Variants in NEK11 observed in about 807,000 individuals in gnomAD.
NEK11 encodes the protein serine/threonine-protein kinase Nek11.
In NEK11, 72 loss-of-function variants were observed where a neutral mutation model predicts 80.7. That is an observed-to-expected ratio of 0.89 (90% confidence interval 0.74 to 1.08). NEK11 has a LOEUF of 1.08. Ranked by LOEUF, NEK11 falls within the 50% of genes least tolerant of loss-of-function variation. NEK11 has a pLI of 0.00. For missense variants in NEK11, 764 were observed against 763.6 expected, an observed-to-expected ratio of 1.00 and a Z score of -0.01; for synonymous variants, 251 against 260.7, an observed-to-expected ratio of 0.96 and a Z score of 0.36.
intron 3 of NEK11, among the ~76,000 whole-genome samples, chr3:131,031,616 G>C (rs1424155935): frequency 6.6e-6 from 1 of 152,182 alleles, no homozygotes; most frequent in Admixed American, 6.5e-5. Flanking sequence ...TGAGTGGAGA[G>C]AGTGTGTTTG....
intron 16 of NEK11, among the ~76,000 whole-genome samples, chr3:131,255,116 G>C (rs1321307794): frequency 6.6e-6 from 1 of 150,882 alleles, no homozygotes; most frequent in Non-Finnish European, 1.5e-5. Flanking sequence ...AAGAAAGAAA[G>C]AAAGAAAGAA....
chr3:131,058,732 A>G (rs2070186850), intron 3 of NEK11, among the ~76,000 whole-genome samples: 1 of 152,184 alleles, frequency 6.6e-6, no homozygotes, highest in Non-Finnish European at 1.5e-5. Flanking sequence ...AGTATAGACA[A>G]GAGAGGGAAA....
intron 16 of NEK11, among the ~76,000 whole-genome samples, chr3:131,250,404 A>C (rs1354861406): frequency 6.6e-6 from 1 of 152,106 alleles, no homozygotes; most frequent in Non-Finnish European, 1.5e-5. Flanking sequence ...GAACCTACAA[A>C]TATTTATCTA....
chr3:131,180,206 G>A (rs1698941879), intron 14 of NEK11, among the ~76,000 whole-genome samples: 1 of 152,140 alleles, frequency 6.6e-6, no homozygotes, highest in African/African-American at 2.4e-5. Context: ...TAGTCATGTG[G>A]CCCAACTTTC....
chr3:131,178,116 G>A (rs1288894892), intron 14 of NEK11, among the ~76,000 whole-genome samples: 1 of 152,144 alleles, frequency 6.6e-6, no homozygotes, highest in Non-Finnish European at 1.5e-5. Flanking sequence ...ATAAAAGATG[G>A]TACACCTGTA....
At chr3:131,207,830 A>C (rs1020568527) in intron 14 of NEK11, among the ~76,000 whole-genome samples, 4 of 151,956 alleles carry the variant, frequency 2.6e-5, no homozygotes, top group African/African-American at 9.7e-5. Flanking sequence ...TTTTCTTGTA[A>C]ATTTGTTTAA....
rs1404471870 is a variant in NEK11 at position 131,335,705 on chromosome 3, A to G, written c.1719-13852A>G. ...CCCTGTTTGCAGATGACATGATTGT[A>G]TATCTAGAAAACCCCACTGTCTCAG... On this transcript the variant is annotated intron_variant, in intron 17 of 17. Transcript: ENST00000383366. Among the ~76,000 whole-genome samples the G allele has an allele frequency of 2.0e-5, 3 of 152,328 alleles. 1 individual carries two copies. The highest frequency in any genetic ancestry group is 4.1e-4 in the South Asian group (2 of 4,826).
At position 131,272,463 on chromosome 3, in the gene NEK11, C is replaced by CTTTTTTTTTTTTTT. The variant is rs869304359; in HGVS notation, c.1622-998_1622-985dup. Among the ~76,000 whole-genome samples the CTTTTTTTTTTTTTT allele has an allele frequency of 3.3e-3, 146 of 43,900 alleles. 31 individuals are homozygous for CTTTTTTTTTTTTTT. Among genetic ancestry groups the CTTTTTTTTTTTTTT allele is most frequent in the East Asian group, 0.01 (11 of 1,068 alleles). 28.8% of individuals were successfully genotyped at this position (43,900 alleles called of 152,430 possible). ...CTTGCTAATGGGCCAGTTTTAGCTT[C>CTTTTTTTTTTTTTT]TTTTTTTTTTTTTTTTTTTTTTTTT... On this transcript the variant is annotated intron_variant, in intron 16 of 17. Transcript: ENST00000383366.
intron 14 of NEK11, among the ~76,000 whole-genome samples, chr3:131,211,237 A>C (rs1194967036): frequency 2.6e-5 from 4 of 152,184 alleles, no homozygotes; most frequent in African/African-American, 9.7e-5. Flanking sequence ...AGTGAAGCTT[A>C]GTTTGGCTGG....
At chr3:131,029,498 AACC>A in intron 2 of NEK11, 112 bp from the exon 3 acceptor site, 2 of 394,276 alleles carry the variant, frequency 5.1e-6, no homozygotes, top group Non-Finnish European at 9.0e-6. Flanking sequence ...TCAAGTTGTT[AACC>A]AATATGGTGT....
intron 15 of NEK11, among the ~76,000 whole-genome samples, chr3:131,239,814 TTTCATTCA>T (rs139825448): frequency 2.9e-4 from 44 of 151,966 alleles, no homozygotes; most frequent in African/African-American, 8.5e-4. Flanking sequence ...GCTAGGTAGC[TTTCATTCA>T]TTCATTCATT....
chr3:131,194,023 AT>A (rs2093905274), intron 14 of NEK11, among the ~76,000 whole-genome samples: 1 of 152,206 alleles, frequency 6.6e-6, no homozygotes, highest in Non-Finnish European at 1.5e-5. Context: ...CAGCAAGTTG[AT>A]TTGCAGGTTT....
intron 17 of NEK11, among the ~76,000 whole-genome samples, chr3:131,324,064 A>G (rs2096928921): frequency 6.6e-6 from 1 of 152,316 alleles, no homozygotes; most frequent in Admixed American, 6.5e-5. Flanking sequence ...ACAGGCAAGG[A>G]AGGCTTTATT....
At chr3:131,141,360 A>G (rs2086863991) in intron 7 of NEK11, among the ~76,000 whole-genome samples, 1 of 152,126 alleles carries the variant, frequency 6.6e-6, no homozygotes, top group African/African-American at 2.4e-5. Context: ...CAGGATGGGG[A>G]AAAATGGAGA....
intron 17 of NEK11, among the ~76,000 whole-genome samples, chr3:131,345,141 T>A (rs908837086): frequency 2.6e-5 from 4 of 152,196 alleles, no homozygotes; most frequent in Non-Finnish European, 4.4e-5. Context: ...TTTTTCTATG[T>A]TTTTTATTCC....
At position 131,334,944 on chromosome 3, in the gene NEK11, C is replaced by T. The variant is rs377487091; in HGVS notation, c.1719-14613C>T. Reference sequence around the variant, plus strand: ...GAAGAAGTTCAATCTCTGAATAGACCAATAACAGGATCTGAAATTGTGGCA... The same window carrying T: ...GAAGAAGTTCAATCTCTGAATAGACTAATAACAGGATCTGAAATTGTGGCA... On this transcript the variant is annotated intron_variant, in intron 17 of 17. Coordinates refer to ENST00000383366, the MANE Select transcript of NEK11 (RefSeq NM_024800.5). Among the ~76,000 whole-genome samples the T allele has an allele frequency of 3.3e-5, 5 of 152,272 alleles. No individual in the cohort carries two copies. The East Asian group carries it at 7.7e-4, about 24-fold the overall frequency.
rs765349327 is a variant in NEK11, at chr3:131,228,715, A to G, written c.1560+27A>G. The G allele has an allele frequency of 3.7e-6, 6 of 1,603,372 alleles. No homozygotes were observed. In the Admixed American group the frequency reaches 6.7e-5, roughly 18 times the overall value. On this transcript the variant is annotated intron_variant, in intron 15 of 17. Coordinates refer to ENST00000383366, the MANE Select transcript of NEK11 (RefSeq NM_024800.5). ...TATGTAATGCTCCCTGTCGGAAGCC[A>G]TGGAACTGTTCAAGGTACTGATTGG...
chr3:131,211,163 G>A (rs2094600200), intron 14 of NEK11, among the ~76,000 whole-genome samples: 1 of 152,130 alleles, frequency 6.6e-6, no homozygotes, highest in African/African-American at 2.4e-5. Flanking sequence ...TGTAAGGCAG[G>A]CCTGGTAGTG....
intron 4 of NEK11, among the ~76,000 whole-genome samples, chr3:131,104,159 G>A (rs906414622): frequency 7.1e-4 from 108 of 152,292 alleles, no homozygotes; most frequent in African/African-American, 2.3e-3. Flanking sequence ...CAACAATCAG[G>A]CTGTTTGTTC....
Sources: allele counts gnomAD v4.1 joint callset (sites outside exome capture counted in the v4.1 genomes callset), GRCh38; gene constraint gnomAD v4.1.1; transcripts MANE v1.5; gene names NCBI Gene and HGNC (gene_info 2026-07-23, HGNC 2026-07-21).